PDSS2: variants seen among roughly 807,000 people sequenced by gnomAD.
PDSS2 encodes the protein decaprenyl diphosphate synthase subunit 2.
A neutral mutation model predicts 44.5 loss-of-function variants in PDSS2; 31 were observed. That is an observed-to-expected ratio of 0.70 (90% confidence interval 0.52 to 0.94). The LOEUF is 0.94. Among genes scored for constraint, PDSS2 ranks in the 40% least tolerant of loss-of-function variants. The pLI is 0.00. For missense variants in PDSS2, 452 were observed against 482.2 expected (o/e 0.94, Z 0.59); for synonymous variants, 157 against 180.3 (o/e 0.87, Z 1.03).
intron 1 of PDSS2, among the ~76,000 whole-genome samples, chr6:107,458,070 C>T (rs942970974): frequency 5.9e-5 from 9 of 151,912 alleles, no homozygotes; most frequent in South Asian, 2.1e-4. Flanking sequence ...GACATATCTA[C>T]GTAGCAGGTG....
At chr6:107,322,375 C>T (rs889824808) in intron 2 of PDSS2, among the ~76,000 whole-genome samples, 1 of 151,806 alleles carries the variant, frequency 6.6e-6, no homozygotes, top group African/African-American at 2.4e-5. Context: ...AAAAAATAGC[C>T]GGGCATGAAG....
chr6:107,225,199 T>G (rs1773779395), intron 4 of PDSS2, among the ~76,000 whole-genome samples: 1 of 112,580 alleles, frequency 8.9e-6, no homozygotes, highest in Non-Finnish European at 1.7e-5. Flanking sequence ...TGAGACAGAG[T>G]GTCACTCTGT....
intron 7 of PDSS2, among the ~76,000 whole-genome samples, chr6:107,175,246 G>A (rs113716999): frequency 2.0e-5 from 3 of 149,762 alleles, no homozygotes; most frequent in African/African-American, 4.9e-5. Flanking sequence ...TCTCTCTCTC[G>A]CTCTATCTGT....
At chr6:107,309,362 TTC>T (rs1178556864) in intron 2 of PDSS2, among the ~76,000 whole-genome samples, 1 of 152,230 alleles carries the variant, frequency 6.6e-6, no homozygotes, top group Non-Finnish European at 1.5e-5. Context: ...TCTGTCTTCA[TTC>T]TCATTCTGAA....
intron 1 of PDSS2, among the ~76,000 whole-genome samples, chr6:107,378,555 G>C (rs1438610782): frequency 2.0e-5 from 3 of 152,182 alleles, no homozygotes; most frequent in Non-Finnish European, 4.4e-5. Flanking sequence ...GGAGGCCAAG[G>C]TGGGTGGATC....
At chr6:107,201,233 C>T (rs1562370709) in intron 6 of PDSS2, among the ~76,000 whole-genome samples, 1 of 151,942 alleles carries the variant, frequency 6.6e-6, no homozygotes, top group Non-Finnish European at 1.5e-5. Flanking sequence ...GTAATTTTTT[C>T]CAAATCTTTA....
chr6:107,264,293 T>G (rs890603322), intron 3 of PDSS2: 2 of 1,412,792 alleles, frequency 1.4e-6, no homozygotes, highest in Admixed American at 5.9e-5. Flanking sequence ...AACAACATAT[T>G]TACGCCTTTA....
intron 1 of PDSS2, among the ~76,000 whole-genome samples, chr6:107,444,281 TTAGCCTCCCAAAGTGC>T (rs1199541126): frequency 6.6e-6 from 1 of 152,164 alleles, no homozygotes; most frequent in Non-Finnish European, 1.5e-5. Flanking sequence ...TCCTTTCACC[TTAGCCTCCCAAAGTGC>T]TGGGATTACA....
intron 3 of PDSS2, among the ~76,000 whole-genome samples, chr6:107,261,578 C>CTTTTTT (rs36106088): frequency 1.4e-4 from 16 of 112,808 alleles, no homozygotes; most frequent in South Asian, 2.9e-4. Context: ...TCTTTTCTTT[C>CTTTTTT]TTTTTTTTTT....
Position 107,358,394 on chromosome 6 carries a change from T to C in PDSS2, c.297-24062A>G, listed in dbSNP as rs559318659. On this transcript the variant is annotated intron_variant, in intron 1 of 7. Coordinates refer to ENST00000369037, the MANE Select transcript of PDSS2 (RefSeq NM_020381.4). The stretch of plus-strand genomic sequence containing the variant: ...CTGAAAATTAAACAGGGTAACCTAT[T>C]TTTGATGTTATTTCAAACTGCTATA... Among the ~76,000 whole-genome samples, 54 of 152,340 alleles carry C rather than the reference T, an allele frequency of 3.5e-4. No homozygotes were observed. The South Asian group carries it at 5.0e-3, about 14-fold the overall frequency.
intron 1 of PDSS2, among the ~76,000 whole-genome samples, chr6:107,405,644 G>A (rs902487309): frequency 1.3e-5 from 2 of 151,888 alleles, no homozygotes; most frequent in South Asian, 2.1e-4. Context: ...TCAGGAGATC[G>A]AGACCATCCC....
At chr6:107,394,121 T>C (rs534246661) in intron 1 of PDSS2, among the ~76,000 whole-genome samples, 33 of 152,328 alleles carry the variant, frequency 2.2e-4, no homozygotes, top group South Asian at 4.1e-4. Flanking sequence ...CTCTCTTTTT[T>C]CCTCGTTTCC....
intron 6 of PDSS2, among the ~76,000 whole-genome samples, chr6:107,203,703 T>C (rs533301126): frequency 2.6e-5 from 4 of 152,256 alleles, no homozygotes; most frequent in South Asian, 2.1e-4. Flanking sequence ...AACAGTATAA[T>C]TCAGTGGCAT....
intron 2 of PDSS2, among the ~76,000 whole-genome samples, chr6:107,329,877 T>C (rs1160124200): frequency 1.3e-5 from 2 of 151,748 alleles, no homozygotes; most frequent in African/African-American, 4.8e-5. Context: ...GGCGGGCGCC[T>C]GTAATCCCAG....
At chr6:107,417,000 G>C (rs1050449948) in intron 1 of PDSS2, among the ~76,000 whole-genome samples, 1 of 152,050 alleles carries the variant, frequency 6.6e-6, no homozygotes, top group African/African-American at 2.4e-5. Flanking sequence ...AGGTGGAGGC[G>C]GGTGGATTGC....
At chr6:107,165,192 G>T (rs1234855328) in intron 7 of PDSS2, among the ~76,000 whole-genome samples, 2 of 151,982 alleles carry the variant, frequency 1.3e-5, no homozygotes, top group Admixed American at 1.3e-4. Context: ...GTCAATTTTG[G>T]CTTTTGTTGC....
chr6:107,458,412 C>CAA lies in PDSS2; in HGVS notation c.296+576_296+577dup, dbSNP rs60758453. On this transcript the variant is annotated intron_variant, in intron 1 of 7. Coordinates refer to ENST00000369037, the MANE Select transcript of PDSS2 (RefSeq NM_020381.4). ...TGGGCGACAAAGCGAGACTCCGTCTCAAAAAAAAAAAAAAAAAAAACTTTT... is the reference window on the plus strand; with the variant it reads ...TGGGCGACAAAGCGAGACTCCGTCTCAAAAAAAAAAAAAAAAAAAAAACTTTT... Among the ~76,000 whole-genome samples the CAA allele has an allele frequency of 3.6e-4, 28 of 78,146 alleles. 1 individual carries two copies. Among genetic ancestry groups the CAA allele is most frequent in the South Asian group, 7.2e-4 (2 of 2,768 alleles). 51.3% of individuals were successfully genotyped at this position (78,146 alleles called of 152,430 possible). A position where few individuals can be genotyped will look rare whatever the true frequency, so the allele number is the denominator to read the frequency against.
chr6:107,283,514 A>T (rs1776040502), intron 2 of PDSS2, among the ~76,000 whole-genome samples: 1 of 151,882 alleles, frequency 6.6e-6, no homozygotes, highest in Non-Finnish European at 1.5e-5. Flanking sequence ...GGAGGTTGGG[A>T]GTTCGACACC....
At chr6:107,249,253 C>T (rs901650247) in intron 3 of PDSS2, among the ~76,000 whole-genome samples, 4 of 152,090 alleles carry the variant, frequency 2.6e-5, no homozygotes, top group Admixed American at 6.5e-5. Flanking sequence ...GCCCTATTAC[C>T]GTGCTATATT....
Sources: allele counts gnomAD v4.1 joint callset (sites outside exome capture counted in the v4.1 genomes callset), GRCh38; gene constraint gnomAD v4.1.1; transcripts MANE v1.5; gene names NCBI Gene and HGNC (gene_info 2026-07-23, HGNC 2026-07-21).